LARP4B: variants seen among roughly 807,000 people sequenced by gnomAD.
LARP4B encodes La ribonucleoprotein 4B, also known as la-related protein 4B.
A neutral mutation model predicts 89.8 loss-of-function variants in LARP4B; 12 were observed. The ratio of observed to expected loss-of-function variants is 0.13; its 90% CI spans 0.09 to 0.22. The LOEUF (loss-of-function observed/expected upper bound fraction) is 0.22, where lower values mean the gene tolerates loss of function less well. Ranked by LOEUF, LARP4B falls within the 10% of genes least tolerant of loss-of-function variation. The probability of loss-of-function intolerance (pLI) is 1.00; values close to 1 mark genes in which losing one functional copy is unlikely to be tolerated. For synonymous variants in LARP4B, 367 were observed against 363.3 expected, an observed-to-expected ratio of 1.01 and a Z score of -0.12; for missense variants, 757 against 947.7, an observed-to-expected ratio of 0.80 and a Z score of 2.64.
At chr10:908,719 C>G (rs1033512126) in intron 1 of LARP4B, among the ~76,000 whole-genome samples, 2 of 152,214 alleles carry the variant, frequency 1.3e-5, no homozygotes, top group Non-Finnish European at 2.9e-5. Flanking sequence ...AGAAAAACCG[C>G]TTTTTCTTCA....
the LARP4B span, among the ~76,000 whole-genome samples, chr10:977,133 A>G: frequency 6.6e-6 from 1 of 152,110 alleles, no homozygotes; most frequent in East Asian, 1.9e-4. Flanking sequence ...ATAATGCTGA[A>G]TTTATTTTAT....
At chr10:939,178 T>TC in the LARP4B span, among the ~76,000 whole-genome samples, 4 of 152,206 alleles carry the variant, frequency 2.6e-5, no homozygotes, top group Non-Finnish European at 5.9e-5. Context: ...GCTCTGGGTC[T>TC]CCCAGCCTGG....
At chr10:976,272 A>G in the LARP4B span, among the ~76,000 whole-genome samples, 118,638 of 119,998 alleles carry the variant, frequency 0.99, 58,691 homozygotes, top group Non-Finnish European at 1. Context: ...TAAGCCTGTC[A>G]CGTAACGTGT....
chr10:967,061 C>G, the LARP4B span, among the ~76,000 whole-genome samples: 1 of 152,316 alleles, frequency 6.6e-6, no homozygotes, highest in South Asian at 2.1e-4. Context: ...GAAGGGGTCT[C>G]CGATGAGGCC....
chr10:829,800 C>T (rs1832804947), intron 9 of LARP4B, 66 bp from the exon 10 acceptor site: 1 of 1,044,236 alleles, frequency 9.6e-7, no homozygotes. Context: ...ACCAATAGTT[C>T]ACTCAATAGC....
intron 8 of LARP4B, 52 bp downstream of exon 8, chr10:836,351 C>T: frequency 7.8e-7 from 1 of 1,289,056 alleles, no homozygotes; most frequent in Non-Finnish European, 1.1e-6. Context: ...TCAAAACCAA[C>T]AAAGACCTTT....
At chr10:948,512 G>C in the LARP4B span, among the ~76,000 whole-genome samples, 3 of 152,224 alleles carry the variant, frequency 2.0e-5, no homozygotes, top group African/African-American at 7.2e-5. Context: ...CCTCCCAAGT[G>C]CCGGGATTAC....
At chr10:825,549 C>T (rs973688671) in intron 12 of LARP4B, among the ~76,000 whole-genome samples, 1 of 152,252 alleles carries the variant, frequency 6.6e-6, no homozygotes, top group Admixed American at 6.5e-5. Flanking sequence ...ATCAGGCACA[C>T]CTGATGTGTA....
intron 5 of LARP4B, among the ~76,000 whole-genome samples, chr10:855,984 A>T (rs1834279892): frequency 6.6e-6 from 1 of 152,268 alleles, no homozygotes; most frequent in African/African-American, 2.4e-5. Flanking sequence ...TCTTTCAACA[A>T]ACAGTGCTGC....
At chr10:818,128 G>A (rs1405966538) in intron 14 of LARP4B, 3 of 425,266 alleles carry the variant, frequency 7.1e-6, no homozygotes, top group East Asian at 7.7e-5. Flanking sequence ...ACACAGTGAG[G>A]CTAAGGTGAC....
intron 1 of LARP4B, among the ~76,000 whole-genome samples, chr10:915,438 T>G (rs909504432): frequency 1.3e-5 from 2 of 152,136 alleles, no homozygotes; most frequent in Non-Finnish European, 2.9e-5. Context: ...AAAAAAAGAT[T>G]CTGTTGGTCT....
At chr10:897,308 G>A (rs978911439) in intron 1 of LARP4B, among the ~76,000 whole-genome samples, 1 of 152,134 alleles carries the variant, frequency 6.6e-6, no homozygotes, top group African/African-American at 2.4e-5. Flanking sequence ...ATGGTGCTGG[G>A]ACAACTAAAT....
the LARP4B span, among the ~76,000 whole-genome samples, chr10:966,072 G>GTGTA: frequency 8.3e-6 from 1 of 120,228 alleles, no homozygotes; most frequent in East Asian, 2.6e-4. Flanking sequence ...GTGTGTGTGT[G>GTGTA]TGTGTGTGTG....
chr10:814,924 C>G lies in LARP4B; in HGVS notation c.1820+22G>C. 3 of 1,578,524 alleles carry G rather than the reference C, an allele frequency of 1.9e-6. No homozygotes were observed. The highest frequency in any genetic ancestry group is 2.6e-6 in the Non-Finnish European group (3 of 1,157,770). On this transcript the variant is annotated intron_variant, in intron 16 of 17. Transcript: ENST00000316157. This position sits in a 1 kb window ranked among gnomAD's most constrained non-coding sequence, Gnocchi z 4.4. Reference sequence around the variant, plus strand: ...ATTCAAGTCAGTCAACACCAAGGCGCTGGAAGAACACCAATACTCACTCGG... The same window carrying G: ...ATTCAAGTCAGTCAACACCAAGGCGGTGGAAGAACACCAATACTCACTCGG...
the LARP4B span, among the ~76,000 whole-genome samples, chr10:959,943 C>T: frequency 2.0e-5 from 3 of 151,820 alleles, no homozygotes; most frequent in Non-Finnish European, 4.4e-5. Flanking sequence ...TCGTCAATCC[C>T]ACCTCCTCGT....
chr10:955,922 G>A, the LARP4B span, among the ~76,000 whole-genome samples: 3 of 151,938 alleles, frequency 2.0e-5, no homozygotes, highest in African/African-American at 7.3e-5. This position sits in a 1 kb window ranked among gnomAD's most constrained non-coding sequence, Gnocchi z 5.2. Flanking sequence ...CCCCTCTCAC[G>A]CCCGCCTGAG....
chr10:896,696 G>T (rs558511579), intron 1 of LARP4B, among the ~76,000 whole-genome samples: 10 of 152,198 alleles, frequency 6.6e-5, no homozygotes, highest in Admixed American at 1.3e-4. Flanking sequence ...ACCACAGATG[G>T]AGACAAACCA....
the LARP4B span, among the ~76,000 whole-genome samples, chr10:945,063 A>G: frequency 6.6e-6 from 1 of 152,214 alleles, no homozygotes; most frequent in East Asian, 1.9e-4. Context: ...TATAATTCAT[A>G]TTTTATAAAT....
chr10:961,208 T>C, the LARP4B span, among the ~76,000 whole-genome samples: 1 of 152,254 alleles, frequency 6.6e-6, no homozygotes, highest in Non-Finnish European at 1.5e-5. Context: ...GAAACTCATA[T>C]TTCTTCTTGG....
Sources: gnomAD v4.1 joint callset for allele counts (sites outside exome capture counted in the v4.1 genomes callset) on GRCh38, gnomAD v4.1.1 for gene constraint, Gnocchi (gnomAD v3.1) non-coding constraint, MANE v1.5 for transcripts, NCBI Gene and HGNC (gene_info 2026-07-23, HGNC 2026-07-21) for gene names.